Variants in KMO observed in about 807,000 individuals in gnomAD.
KMO encodes kynurenine 3-hydroxylase.
KMO carries 24 observed loss-of-function variants against 57.8 expected under a neutral mutation model. The ratio of observed to expected loss-of-function variants is 0.42; its 90% CI spans 0.30 to 0.58. KMO has a LOEUF of 0.58. Among genes scored for constraint, KMO ranks in the 20% least tolerant of loss-of-function variants. KMO has a pLI of 0.22. For missense variants in KMO, 483 were observed against 588.2 expected, an observed-to-expected ratio of 0.82 and a Z score of 1.85; for synonymous variants, 210 against 193.6, an observed-to-expected ratio of 1.08 and a Z score of -0.70.
At chr1:241,545,867 T>C (rs553469279) in intron 1 of KMO, among the ~76,000 whole-genome samples, 4 of 152,236 alleles carry the variant, frequency 2.6e-5, no homozygotes, top group South Asian at 4.1e-4. Context: ...CTTCTGGCCA[T>C]GGATATAATA....
chr1:241,550,542 T>C (rs1661356705), intron 3 of KMO, among the ~76,000 whole-genome samples: 1 of 152,264 alleles, frequency 6.6e-6, no homozygotes, highest in South Asian at 2.1e-4. Flanking sequence ...ATATGAGTGC[T>C]ATTTGCATTC....
At position 241,592,101 on chromosome 1, in the gene KMO, C is replaced by T. The variant is rs1663328937; in HGVS notation, c.1409C>T (p.Pro470Leu). The change falls in exon 15 of 15, where the codon CCC becomes CTC. Residue 470 changes from proline to leucine, a missense_variant. Transcript: ENST00000366559. ...IAHFRNTTCF[P>L]AKAVDSLEQI... Reference sequence around the variant, plus strand: ...CACTTCCGGAATACAACATGTTTCCCCGCAAAGGCCGTGGACTCCCTAGAA... The same window carrying T: ...CACTTCCGGAATACAACATGTTTCCTCGCAAAGGCCGTGGACTCCCTAGAA... The T allele has an allele frequency of 3.7e-6, 6 of 1,613,852 alleles. No homozygotes were observed. Among genetic ancestry groups the T allele is most frequent in the Non-Finnish European group, 5.1e-6 (6 of 1,179,966 alleles).
At position 241,555,787 on chromosome 1, in the gene KMO, A is replaced by G. The variant is rs1661593919; in HGVS notation, c.361+127A>G. 2.2e-5 allele frequency: 12 copies of G among 557,362 alleles called. No individual in the cohort carries two copies. The East Asian group carries it at 3.6e-4, about 17-fold the overall frequency. 34.5% of individuals were successfully genotyped at this position (557,362 alleles called of 1,614,324 possible). ...GGTTATGAAGAGCAAGACTATGTAC[A>G]CTACAAAGTCCTTCTTGAAGCTAGG... On this transcript the variant is annotated intron_variant, in intron 5 of 14. Coordinates refer to ENST00000366559, the MANE Select transcript of KMO (RefSeq NM_003679.5).
At chr1:241,544,738 G>A (rs550031798) in intron 1 of KMO, among the ~76,000 whole-genome samples, 72 of 152,172 alleles carry the variant, frequency 4.7e-4, no homozygotes, top group Middle Eastern at 3.4e-3. Context: ...TATTTTGCAA[G>A]GGGTCTGTGA....
intron 5 of KMO, among the ~76,000 whole-genome samples, chr1:241,558,516 C>T (rs1011799011): frequency 3.3e-5 from 5 of 152,160 alleles, no homozygotes; most frequent in Non-Finnish European, 5.9e-5. Flanking sequence ...GCATTTCATG[C>T]GGGATTGTTT....
chr1:241,585,583 T>C (rs992049315), intron 10 of KMO, among the ~76,000 whole-genome samples: 2 of 151,838 alleles, frequency 1.3e-5, no homozygotes, highest in Non-Finnish European at 2.9e-5. Context: ...TGTGGTGAAA[T>C]GCCATCTCTA....
chr1:241,568,737 T>C, intron 10 of KMO, 90 bp downstream of exon 10: 1 of 1,203,894 alleles, frequency 8.3e-7, no homozygotes, highest in Admixed American at 2.4e-5. Context: ...TCTAAGACTA[T>C]CCCCACATAA....
intron 14 of KMO, among the ~76,000 whole-genome samples, chr1:241,590,986 G>A (rs1238865768): frequency 1.3e-5 from 2 of 152,140 alleles, no homozygotes; most frequent in Non-Finnish European, 2.9e-5. Context: ...GGGTGGAGGC[G>A]GGGCTTTAAA....
intron 1 of KMO, among the ~76,000 whole-genome samples, chr1:241,533,410 T>G (rs7539730): frequency 0.077 from 11,761 of 152,264 alleles, 785 homozygotes; most frequent in African/African-American, 0.17. Context: ...GCCACACATG[T>G]ATTTATACAG....
chr1:241,557,140 C>G (rs1165839281), intron 5 of KMO, among the ~76,000 whole-genome samples: 1 of 151,958 alleles, frequency 6.6e-6, no homozygotes, highest in Non-Finnish European at 1.5e-5. Flanking sequence ...AAATAGAACC[C>G]TGAAGTTGTG....
chr1:241,592,127 C>T lies in KMO; in HGVS notation c.1435C>T (p.Gln479Ter). The T allele has an allele frequency of 6.2e-7, 1 of 1,613,730 alleles. No individual in the cohort carries two copies. Residue 479 changes from glutamine to a stop codon, truncating the protein, a stop_gained, in exon 15 of 15, where the codon CAA becomes TAA. Coordinates refer to ENST00000366559, the MANE Select transcript of KMO (RefSeq NM_003679.5). LOFTEE classifies it high-confidence loss of function. ...CGCAAAGGCCGTGGACTCCCTAGAA[C>T]AAATTTCCAATCTCATTAGCAGGTG... is the stretch of plus-strand genomic sequence containing the variant. ...FPAKAVDSLE[Q>*]ISNLISR is the part of the protein sequence containing the mutation.
chr1:241,554,653 G>T (rs920600931), intron 4 of KMO, among the ~76,000 whole-genome samples: 3 of 148,138 alleles, frequency 2.0e-5, no homozygotes, highest in Admixed American at 1.3e-4. Flanking sequence ...AAAATGTTTT[G>T]ATTTTAGTTT....
Position 241,560,761 on chromosome 1 carries a change from G to T in KMO, c.449+9G>T, listed in dbSNP as rs756396257. On this transcript the variant is annotated intron_variant, in intron 6 of 14. Coordinates refer to ENST00000366559, the MANE Select transcript of KMO (RefSeq NM_003679.5). ...ATGATCACAGTGCTTGGGTAACTAC[G>T]GGTCAGGTTTTGGACTTCAGAGGTG... The T allele has an allele frequency of 1.9e-6, 3 of 1,602,436 alleles. No individual in the cohort carries two copies. The highest frequency in any genetic ancestry group is 1.7e-6 in the Non-Finnish European group (2 of 1,169,368).
intron 10 of KMO, among the ~76,000 whole-genome samples, chr1:241,582,355 C>G (rs1235809095): frequency 6.6e-6 from 1 of 152,112 alleles, no homozygotes; most frequent in East Asian, 1.9e-4. Context: ...AATAAACTTT[C>G]TACCCTTATG....
chr1:241,538,979 C>T (rs750698641), intron 1 of KMO, among the ~76,000 whole-genome samples: 6 of 152,196 alleles, frequency 3.9e-5, no homozygotes, highest in African/African-American at 1.4e-4. Context: ...AGTCCTCTAT[C>T]TGTCTACTCA....
At chr1:241,571,182 A>G (rs1324423769) in intron 10 of KMO, among the ~76,000 whole-genome samples, 2 of 58,834 alleles carry the variant, frequency 3.4e-5, no homozygotes, top group East Asian at 3.5e-4. Context: ...TTTTTGGTGG[A>G]GTCTTTAGGT....
chr1:241,579,662 T>C (rs1662674907), intron 10 of KMO, among the ~76,000 whole-genome samples: 1 of 151,940 alleles, frequency 6.6e-6, no homozygotes, highest in Non-Finnish European at 1.5e-5. Context: ...CCATAAGCCT[T>C]CTCCTCAGAG....
In KMO at chr1:241,581,617, AAAG is replaced by A. The variant is rs559016945; in HGVS notation, c.958-5059_958-5057del. Among the ~76,000 whole-genome samples the A allele has an allele frequency of 2.1e-3, 320 of 152,080 alleles. 2 individuals carry two copies. Among genetic ancestry groups the A allele is most frequent in the African/African-American group, 7.2e-3 (298 of 41,556 alleles). Reference sequence around the variant, plus strand: ...AAGAAAGAAAGAAGAAAAAAAGAGAAAAGAAAAGAAAAGACAAACAAGCAAAGA... The same window carrying A: ...AAGAAAGAAAGAAGAAAAAAAGAGAAAAAAGAAAAGACAAACAAGCAAAGA... On this transcript the variant is annotated intron_variant, in intron 10 of 14. Transcript: ENST00000366559.
intron 5 of KMO, among the ~76,000 whole-genome samples, chr1:241,558,530 G>A (rs781148785): frequency 3.3e-5 from 5 of 152,134 alleles, no homozygotes; most frequent in South Asian, 4.1e-4. Context: ...ATTGTTTCAC[G>A]GTTCATCTGC....
Sources: allele counts gnomAD v4.1 joint callset (sites outside exome capture counted in the v4.1 genomes callset), GRCh38; gene constraint gnomAD v4.1.1; transcripts MANE v1.5; gene names NCBI Gene and HGNC (gene_info 2026-07-23, HGNC 2026-07-21).